Variants in METTL22 observed in about 807,000 individuals in gnomAD.
The protein encoded by METTL22 is methyltransferase 22, Kin17 lysine, also known as methyltransferase-like protein 22.
Under a neutral mutation model 48.4 loss-of-function variants are expected in METTL22, and 51 were observed. The observed-to-expected ratio is 1.05, with a 90% CI of 0.84 to 1.33. METTL22 has a LOEUF of 1.33. Ranked by LOEUF, METTL22 falls within the 40% of genes most tolerant of loss-of-function variation. The probability of loss-of-function intolerance (pLI) is 0.00; values close to 1 mark genes in which losing one functional copy is unlikely to be tolerated. For missense variants in METTL22, 678 were observed against 526.9 expected (o/e 1.29, Z -2.81); for synonymous variants, 255 against 214.1 (o/e 1.19, Z -1.67).
intron 3 of METTL22, among the ~76,000 whole-genome samples, chr16:8,630,980 T>G (rs1011215511): frequency 2.0e-5 from 3 of 152,170 alleles, no homozygotes; most frequent in African/African-American, 7.2e-5. Flanking sequence ...CAGAGACAAA[T>G]GTCTTACCCA....
intron 1 of METTL22, among the ~76,000 whole-genome samples, chr16:8,623,286 G>C (rs1285182085): frequency 6.6e-6 from 1 of 151,432 alleles, no homozygotes; most frequent in Non-Finnish European, 1.5e-5. Context: ...ACTCTAGCCT[G>C]GGCAACAGAG....
chr16:8,656,852 T>C, the METTL22 span, among the ~76,000 whole-genome samples: 1 of 152,268 alleles, frequency 6.6e-6, no homozygotes, highest in Non-Finnish European at 1.5e-5. Context: ...GGCAAGGGCC[T>C]TCTTGCTGCA....
In METTL22 at chr16:8,641,682, C is replaced by T. The variant is rs549485429; in HGVS notation, c.827-445C>T. 7 of 384,020 alleles carry T rather than the reference C, an allele frequency of 1.8e-5. No individual in the cohort carries two copies. In the East Asian group the frequency reaches 2.0e-4, roughly 11 times the overall value. The allele number at this position is 384,020 out of a possible 1,614,324, so 23.8% of individuals were successfully genotyped here. ...CTGTCAGATGGCAGATGGGAAAAGT[C>T]GTTCCTTGAGTACTGGTCACCTGCC... is the stretch of plus-strand genomic sequence containing the variant. On this transcript the variant is annotated intron_variant, in intron 7 of 10. Coordinates refer to ENST00000381920, the MANE Select transcript of METTL22 (RefSeq NM_024109.4).
Position 8,640,946 on chromosome 16 carries a change from G to GGCTGGA in METTL22, c.773-185_773-184insGCTGGA, listed in dbSNP as rs1332913099. The stretch of plus-strand genomic sequence containing the variant: ...GATGGATGGATGGATGGATGGATGG[G>GGCTGGA]TGGGTGGATGGCTGGCTGGCTGGCT... On this transcript the variant is annotated intron_variant, in intron 6 of 10. Transcript: ENST00000381920. Among the ~76,000 whole-genome samples the GGCTGGA allele has an allele frequency of 1.1e-4, 4 of 35,282 alleles. 1 individual carries two copies. The highest frequency in any genetic ancestry group is 2.2e-4 in the Non-Finnish European group (4 of 18,064). The allele number at this position is 35,282 out of a possible 152,430, so 23.1% of individuals were successfully genotyped here.
intron 5 of METTL22, among the ~76,000 whole-genome samples, chr16:8,637,550 C>T (rs958735440): frequency 6.6e-6 from 1 of 152,264 alleles, no homozygotes; most frequent in Non-Finnish European, 1.5e-5. Flanking sequence ...CCCAGGGTTC[C>T]TATCTCTGTT....
chr16:8,637,756 C>G (rs544904786), intron 5 of METTL22, among the ~76,000 whole-genome samples: 2 of 152,328 alleles, frequency 1.3e-5, no homozygotes, highest in Non-Finnish European at 2.9e-5. Context: ...GGCACCAGGG[C>G]TCCTACCCCA....
At chr16:8,667,257 T>G in the METTL22 span, 1 of 151,390 alleles carries the variant, frequency 6.6e-6, no homozygotes, top group South Asian at 2.1e-4. Flanking sequence ...TAAAGTTGTT[T>G]TATTTATTTA....
downstream of METTL22, among the ~76,000 whole-genome samples, chr16:8,651,068 C>CT (rs2056887647): frequency 6.6e-6 from 1 of 151,238 alleles, no homozygotes; most frequent in Non-Finnish European, 1.5e-5. Context: ...GGTAAGAATT[C>CT]TTTCTTCACA....
At chr16:8,649,992 T>C (rs1187944913), downstream of METTL22, among the ~76,000 whole-genome samples, 1 of 152,120 alleles carries the variant, frequency 6.6e-6, no homozygotes, top group African/African-American at 2.4e-5. Flanking sequence ...TGGGCCACAC[T>C]GTGAGGAGTG....
intron 7 of METTL22, chr16:8,641,696 T>C (rs2056623714): frequency 7.7e-6 from 3 of 388,212 alleles, no homozygotes; most frequent in South Asian, 4.2e-5. Flanking sequence ...CCTTGAGTAC[T>C]GGTCACCTGC....
At chr16:8,654,930 G>A in the METTL22 span, among the ~76,000 whole-genome samples, 1 of 152,158 alleles carries the variant, frequency 6.6e-6, no homozygotes, top group African/African-American at 2.4e-5. Context: ...CATTTTTACA[G>A]AGAACGCTAA....
chr16:8,634,796 G>C (rs1291666793), intron 3 of METTL22, among the ~76,000 whole-genome samples: 1 of 152,186 alleles, frequency 6.6e-6, no homozygotes, highest in Admixed American at 6.5e-5. Flanking sequence ...GTAGGGCAGA[G>C]ATACCCAGTT....
chr16:8,628,754 T>C lies in METTL22; in HGVS notation c.158T>C (p.Leu53Pro), dbSNP rs2056149188. The change falls in exon 3 of 11, where the codon CTA (leucine) becomes CCA (proline). Residue 53 changes from leucine (L) to proline (P), a missense_variant. Transcript: ENST00000381920. ...QPVFLSQFKL[L>P]WSQDSWTDSG... ...GTTTTCCTGTCCCAATTCAAGCTTC[T>C]ATGGAGCCAAGACTCTTGGACAGAT... The C allele has an allele frequency of 3.7e-6, 6 of 1,612,594 alleles. No individual in the cohort carries two copies. The highest frequency in any genetic ancestry group is 5.1e-6 in the Non-Finnish European group (6 of 1,178,958).
chr16:8,644,806 A>G, intron 10 of METTL22, 81 bp downstream of exon 10: 1 of 1,384,664 alleles, frequency 7.2e-7, no homozygotes, highest in Non-Finnish European at 9.5e-7. Context: ...TGATGAAGCA[A>G]GCCCTCCAAG....
chr16:8,624,085 C>T (rs931101402), intron 1 of METTL22: 2 of 152,186 alleles, frequency 1.3e-5, no homozygotes, highest in South Asian at 2.1e-4. Flanking sequence ...TGCAGAGAGG[C>T]GAAGTGATTT....
intron 9 of METTL22, chr16:8,642,984 G>C (rs2056671358): frequency 4.9e-6 from 1 of 205,378 alleles, no homozygotes; most frequent in Admixed American, 5.2e-5. Flanking sequence ...TGCTGAATCG[G>C]ACAGCTCCTC....
chr16:8,626,893 A>C (rs987444885), intron 2 of METTL22, among the ~76,000 whole-genome samples: 3 of 149,020 alleles, frequency 2.0e-5, no homozygotes, highest in Non-Finnish European at 4.4e-5. Context: ...CAGCCTCCCA[A>C]GTAGCTGGGA....
In METTL22 at chr16:8,629,106, A is replaced by G; in HGVS notation, c.510A>G (p.Arg170=). The change falls in exon 3 of 11, where the codon AGA becomes AGG. Residue 170 remains arginine, a synonymous_variant. Coordinates refer to ENST00000381920, the MANE Select transcript of METTL22 (RefSeq NM_024109.4). The stretch of plus-strand genomic sequence containing the variant: ...AAGGCAGCCCGCACGATATCATCAG[A>G]ATAGGTAAATAGAGGTGTGATGTGG... ...EAQGSPHDII[R]IEHTMATPLE... 5 of 1,610,746 alleles carry G rather than the reference A, an allele frequency of 3.1e-6. No individual in the cohort carries two copies. Among genetic ancestry groups the G allele is most frequent in the Non-Finnish European group, 4.2e-6 (5 of 1,178,648 alleles).
chr16:8,642,170 C>T lies in METTL22; in HGVS notation c.870C>T (p.Asp290=). ...GTTGGTCACAAGAGGAAATTTCTGA[C>T]TTGTACGATCACACCACCATCCTGT... ...PFSWSQEEIS[D]LYDHTTILFA... Residue 290 remains aspartate, a synonymous_variant, in exon 8 of 11, where the codon GAC becomes GAT. Coordinates refer to ENST00000381920, the MANE Select transcript of METTL22 (RefSeq NM_024109.4). 6.2e-7 allele frequency: 1 copy of T among 1,613,844 alleles called. No homozygotes were observed. Among genetic ancestry groups the T allele is most frequent in the Non-Finnish European group, 8.5e-7 (1 of 1,179,776 alleles).
Sources: allele counts gnomAD v4.1 joint callset (sites outside exome capture counted in the v4.1 genomes callset), GRCh38; gene constraint gnomAD v4.1.1; transcripts MANE v1.5; gene names NCBI Gene and HGNC (gene_info 2026-07-23, HGNC 2026-07-21).